Variants in SLC46A3 observed in about 807,000 individuals in gnomAD.
The protein encoded by SLC46A3 is lysosomal proton-coupled steroid conjugate and bile acid symporter SLC46A3.
A neutral mutation model predicts 38.5 loss-of-function variants in SLC46A3; 26 were observed. The observed-to-expected ratio is 0.68, with a 90% CI of 0.49 to 0.94. The LOEUF (loss-of-function observed/expected upper bound fraction) is 0.94, where lower values mean the gene tolerates loss of function less well. Ranked by LOEUF, SLC46A3 falls within the 40% of genes least tolerant of loss-of-function variation. The pLI is 0.00. For synonymous variants in SLC46A3, 185 were observed against 192.5 expected (o/e 0.96, Z 0.32); for missense variants, 510 against 544.3 (o/e 0.94, Z 0.63).
At position 28,707,881 on chromosome 13, in the gene SLC46A3, G is replaced by T. The variant is rs150777359; in HGVS notation, c.1144+2879C>A. On this transcript the variant is annotated intron_variant, in intron 4 of 5. Coordinates refer to ENST00000266943, the MANE Select transcript of SLC46A3 (RefSeq NM_181785.4). ...CCCTAATCAAATTTCTGTCTCTATG[G>T]ATTTGCCTATTCTGCACATTTCACG... Among the ~76,000 whole-genome samples, 264 of 152,152 alleles carry T rather than the reference G, an allele frequency of 1.7e-3. 3 individuals carry two copies. The highest frequency in any genetic ancestry group is 6.0e-3 in the African/African-American group (251 of 41,514).
In SLC46A3 at chr13:28,701,245, A is replaced by C. The variant is rs1885006159; in HGVS notation, c.*252T>G. ...TTTTAATGTTTCTCTTCTAAGTCTA[A>C]AAGTGAGGCGTATTTGAAATTTGTT... On this transcript the variant is annotated 3_prime_UTR_variant, in exon 6 of 6. Transcript: ENST00000266943. 1.4e-6 allele frequency: 2 copies of C among 1,393,854 alleles called. No individual in the cohort carries two copies. Among genetic ancestry groups the C allele is most frequent in the Non-Finnish European group, 1.9e-6 (2 of 1,077,402 alleles). The allele number at this position is 1,393,854 out of a possible 1,614,324, so 86.3% of individuals were successfully genotyped here.
rs150811882 is a variant in SLC46A3, at chr13:28,704,040, T to C, written c.1204A>G (p.Thr402Ala). Residue 402 changes from threonine (T) to alanine (A), a missense_variant, in exon 5 of 6, where the codon ACT (threonine) becomes GCT (alanine). Thr to Ala is a moderately conservative substitution (Grantham distance 58). Transcript: ENST00000266943. Reference protein sequence around the residue: ...ETLGGVTAVSTFNGIYSATVA... With the variant: ...ETLGGVTAVSAFNGIYSATVA... ...GTGGCTGAGTAAATTCCATTAAAAG[T>C]AGAAACTGCAGTGACTCCTCCAAGT... The C allele has an allele frequency of 1.2e-4, 196 of 1,613,278 alleles. No homozygotes were observed. The African/African-American group carries it at 1.5e-3, about 12-fold the overall frequency.
chr13:28,713,385 A>G lies in SLC46A3; in HGVS notation c.355T>C (p.Cys119Arg). The change falls in exon 3 of 6, where the codon TGT becomes CGT. Residue 119 changes from cysteine to arginine, a missense_variant. Cys to Arg is a radical substitution (Grantham distance 180, BLOSUM62 -3). Coordinates refer to ENST00000266943, the MANE Select transcript of SLC46A3 (RefSeq NM_181785.4). ...GGAAAGGCAAAATAGCAAAGCAAAC[A>G]GAGCCAAACGCTGGTTGCAAGAGCA... is the stretch of plus-strand genomic sequence containing the variant. ...VGALATSVWL[C>R]LLCYFAFPFQ... 1 of 1,614,108 alleles carries G rather than the reference A, an allele frequency of 6.2e-7. No individual in the cohort carries two copies. The highest frequency in any genetic ancestry group is 8.5e-7 in the Non-Finnish European group (1 of 1,180,036).
chr13:28,700,341 A>G lies in SLC46A3; in HGVS notation c.*1156T>C, dbSNP rs1217069375. The G allele has an allele frequency of 1.3e-5, 2 of 152,300 alleles. No individual in the cohort carries two copies. The highest frequency in any genetic ancestry group is 2.9e-5 in the Non-Finnish European group (2 of 68,112). 9.4% of individuals were successfully genotyped at this position (152,300 alleles called of 1,614,324 possible). A position where few individuals can be genotyped will look rare whatever the true frequency, so the allele number is the denominator to read the frequency against. ...ATGTGGGAGGAAGAGCAAATGGAAC[A>G]GTGTGTGAAAAGACATGGAGGCATG... On this transcript the variant is annotated 3_prime_UTR_variant, in exon 6 of 6. Transcript: ENST00000266943.
At chr13:28,705,174 T>G (rs1885140377) in intron 4 of SLC46A3, among the ~76,000 whole-genome samples, 1 of 152,250 alleles carries the variant, frequency 6.6e-6, no homozygotes, top group African/African-American at 2.4e-5. Context: ...GCTTCTGCTT[T>G]CTGCAGATTT....
intron 2 of SLC46A3, among the ~76,000 whole-genome samples, chr13:28,717,185 T>C (rs1225817073): frequency 6.6e-6 from 1 of 152,002 alleles, no homozygotes; most frequent in Admixed American, 6.6e-5. Context: ...ATCTTTGGTG[T>C]CAACGGTGGG....
chr13:28,703,716 C>T (rs1885095064), intron 5 of SLC46A3: 2 of 321,202 alleles, frequency 6.2e-6, no homozygotes, highest in African/African-American at 2.1e-5. Context: ...ATATGAAACA[C>T]TTCATGAATT....
chr13:28,707,471 T>C (rs1236114930), intron 4 of SLC46A3, among the ~76,000 whole-genome samples: 1 of 150,884 alleles, frequency 6.6e-6, no homozygotes, highest in Admixed American at 6.6e-5. Flanking sequence ...GACGAGTTAA[T>C]GGGTGCGGCA....
At chr13:28,713,672 G>A (rs1885440135) in intron 2 of SLC46A3, 122 bp from the exon 3 acceptor site, 1 of 836,726 alleles carries the variant, frequency 1.2e-6, no homozygotes, top group Admixed American at 2.9e-5. Context: ...AATCTCTGGT[G>A]GATGGGCGGG....
In SLC46A3 at chr13:28,704,088, C is replaced by A. The variant is rs1196556200; in HGVS notation, c.1156G>T (p.Ala386Ser). The change falls in exon 5 of 6, where the codon GCT becomes TCT. Residue 386 changes from alanine to serine, a missense_variant. Ala to Ser is a moderately conservative substitution (Grantham distance 99, BLOSUM62 1). Transcript: ENST00000266943. ...AGTGTTTCTAAGAAAGCAATACAAG[C>A]AAACAGGGTACCTGTTTGGAGTAGG... ...VRSTEQGTLF[A>S]CIAFLETLGG... The A allele has an allele frequency of 2.5e-6, 4 of 1,610,468 alleles. No individual in the cohort carries two copies. The highest frequency in any genetic ancestry group is 1.7e-5 in the Admixed American group (1 of 59,622).
intron 4 of SLC46A3, among the ~76,000 whole-genome samples, chr13:28,706,254 T>C (rs1479759152): frequency 4.6e-5 from 7 of 152,328 alleles, no homozygotes; most frequent in African/African-American, 1.4e-4. Flanking sequence ...TTCCACTTTC[T>C]TACCTTTCTT....
At chr13:28,703,004 A>C (rs1885071641) in intron 5 of SLC46A3, among the ~76,000 whole-genome samples, 1 of 152,160 alleles carries the variant, frequency 6.6e-6, no homozygotes, top group Non-Finnish European at 1.5e-5. Flanking sequence ...TTAATGTGTC[A>C]AATAAATTTG....
At chr13:28,713,659 G>A (rs899857819) in intron 2 of SLC46A3, 109 bp from the exon 3 acceptor site, 4 of 1,033,142 alleles carry the variant, frequency 3.9e-6, no homozygotes, top group Non-Finnish European at 5.6e-6. Flanking sequence ...GTTATGGGTG[G>A]GGAATCTCTG....
At chr13:28,710,916 T>C (rs1885323724) in intron 3 of SLC46A3, 73 bp from the exon 4 acceptor site, 2 of 1,054,400 alleles carry the variant, frequency 1.9e-6, no homozygotes, top group African/African-American at 3.2e-5. Flanking sequence ...GGAAACACTT[T>C]CACTCTGTCT....
At chr13:28,713,989 G>A (rs1012772177) in intron 2 of SLC46A3, among the ~76,000 whole-genome samples, 2 of 152,058 alleles carry the variant, frequency 1.3e-5, no homozygotes. Context: ...GGTAAAGTGT[G>A]GTGATCAAAA....
Position 28,712,337 on chromosome 13 carries a change from C to T in SLC46A3, c.1060+343G>A, listed in dbSNP as rs376137656. 4.6e-5 allele frequency among the ~76,000 whole-genome samples: 7 copies of T among 151,574 alleles called. No individual in the cohort carries two copies. In the East Asian group the frequency reaches 9.7e-4, roughly 21 times the overall value. On this transcript the variant is annotated intron_variant, in intron 3 of 5. Transcript: ENST00000266943. ...TTTTAGTATACTTTATATCATTGTC[C>T]TAAATATTTTTATGGGAAGTAGTCT...
chr13:28,713,464 C>T lies in SLC46A3; in HGVS notation c.276G>A (p.Leu92=), dbSNP rs765729490. The change falls in exon 3 of 6, where the codon TTG becomes TTA. Residue 92 remains leucine, a synonymous_variant. Transcript: ENST00000266943. ...IPGLVSTFIL[L]SISDHYGRKF... is the part of the protein sequence containing the mutation. The stretch of plus-strand genomic sequence containing the variant: ...TTCGTCCGTAGTGATCACTAATAGA[C>T]AAAAGTATGAATGTAGACACTAGAC... 3 of 1,613,962 alleles carry T rather than the reference C, an allele frequency of 1.9e-6. No individual in the cohort carries two copies. The Admixed American group carries it at 5.0e-5, about 27-fold the overall frequency.
At chr13:28,701,845 A>G (rs779364805) in intron 5 of SLC46A3, among the ~76,000 whole-genome samples, 1 of 152,188 alleles carries the variant, frequency 6.6e-6, no homozygotes, top group Admixed American at 6.5e-5. Context: ...CACATAAACT[A>G]GTTATAACTA....
chr13:28,712,293 GT>G (rs1241568642), intron 3 of SLC46A3, among the ~76,000 whole-genome samples: 1 of 152,046 alleles, frequency 6.6e-6, no homozygotes, highest in Non-Finnish European at 1.5e-5. Flanking sequence ...AATTGATATA[GT>G]TTTTTTCTTA....
Sources: allele counts gnomAD v4.1 joint callset (sites outside exome capture counted in the v4.1 genomes callset), GRCh38; gene constraint gnomAD v4.1.1; transcripts MANE v1.5; gene names NCBI Gene and HGNC (gene_info 2026-07-23, HGNC 2026-07-21).